Variants in RBFOX1 observed in about 807,000 individuals in gnomAD.
RBFOX1 encodes RNA binding fox-1 homolog 1.
Under a neutral mutation model 57.7 loss-of-function variants are expected in RBFOX1, and 8 were observed. That is an observed-to-expected ratio of 0.14 (90% CI 0.08 to 0.25). RBFOX1 has a LOEUF of 0.25. RBFOX1 is among the 10% of genes least tolerant of loss of function. RBFOX1 has a pLI of 1.00. For missense variants in RBFOX1, 611 were observed against 548.5 expected, an observed-to-expected ratio of 1.11 and a Z score of -1.14; for synonymous variants, 326 against 222.4, an observed-to-expected ratio of 1.47 and a Z score of -4.15.
At chr16:6,010,647 G>T (rs1269901854) in intron 4 of RBFOX1, among the ~76,000 whole-genome samples, 1 of 152,208 alleles carries the variant, frequency 6.6e-6, no homozygotes, top group Non-Finnish European at 1.5e-5. Context: ...TAAAGCAATG[G>T]TGTAGAAGAA....
At chr16:6,666,274 C>T (rs1324233814) in intron 3 of RBFOX1, among the ~76,000 whole-genome samples, 1 of 152,160 alleles carries the variant, frequency 6.6e-6, no homozygotes, top group African/African-American at 2.4e-5. Context: ...TGGCTCATGC[C>T]TATAATCCCA....
At chr16:7,638,535 T>C (rs143593357) in intron 11 of RBFOX1, among the ~76,000 whole-genome samples, 152 of 152,290 alleles carry the variant, frequency 1.0e-3, no homozygotes, top group African/African-American at 3.5e-3. Flanking sequence ...GGCTGTGCTG[T>C]CTCCTCCCCA....
At position 5,569,438 on chromosome 16, in the gene RBFOX1, C is replaced by T. The variant is rs527368469; in HGVS notation, c.259-29464C>T. Among the ~76,000 whole-genome samples the T allele has an allele frequency of 3.7e-3, 181 of 49,176 alleles. 3 individuals are homozygous for T. The highest frequency in any genetic ancestry group is 0.028 in the Middle Eastern group (1 of 36). 32.3% of individuals were successfully genotyped at this position (49,176 alleles called of 152,430 possible). On this transcript the variant is annotated intron_variant, in intron 2 of 2. Transcript: ENST00000585867. ...GTAAGGGTTAATGATAAGAAGTAAC[C>T]TTTTTTTTTTTTTTTTTTTTTTTTT...
intron 1 of RBFOX1, among the ~76,000 whole-genome samples, chr16:5,443,830 G>C (rs1479452368): frequency 6.6e-6 from 1 of 152,132 alleles, no homozygotes; most frequent in Admixed American, 6.5e-5. Flanking sequence ...TAGAAGAATG[G>C]TCACCTATTT....
At chr16:7,615,667 G>T (rs369849532) in intron 10 of RBFOX1, among the ~76,000 whole-genome samples, 3 of 152,038 alleles carry the variant, frequency 2.0e-5, no homozygotes, top group African/African-American at 7.2e-5. Context: ...CTTTCTCTTA[G>T]GGGAATTTGG....
chr16:7,333,124 C>G lies in RBFOX1; in HGVS notation c.28-185023C>G, dbSNP rs538289354. 1,148 of 1,576,722 alleles carry G rather than the reference C, an allele frequency of 7.3e-4. 21 individuals are homozygous for G. The South Asian group carries it at 0.012, about 17-fold the overall frequency. On this transcript the variant is annotated intron_variant, in intron 4 of 15. Transcript: ENST00000550418. ...GCCTCTGCCAGCCAGCAACTTAACT[C>G]CAGAGTGCTCAGAGTAATAATTGGA...
intron 4 of RBFOX1, among the ~76,000 whole-genome samples, chr16:7,057,604 C>A (rs946252807): frequency 2.6e-5 from 4 of 152,176 alleles, no homozygotes; most frequent in Non-Finnish European, 5.9e-5. Context: ...TCACTCTGGG[C>A]CAGTTGGATC....
intron 4 of RBFOX1, among the ~76,000 whole-genome samples, chr16:5,876,675 G>A (rs780209515): frequency 6.6e-6 from 1 of 152,070 alleles, no homozygotes; most frequent in African/African-American, 2.4e-5. Context: ...ATTTCCTACA[G>A]TTTTGACACC....
At chr16:5,912,592 C>G (rs2058626933) in intron 4 of RBFOX1, among the ~76,000 whole-genome samples, 1 of 152,130 alleles carries the variant, frequency 6.6e-6, no homozygotes, top group African/African-American at 2.4e-5. Flanking sequence ...TACACAAGAA[C>G]TTGGTAGGCA....
In RBFOX1 at chr16:6,530,652, C is replaced by G. The variant is rs141551902; in HGVS notation, c.-63-123951C>G. Among the ~76,000 whole-genome samples, 207 of 152,128 alleles carry G rather than the reference C, an allele frequency of 1.4e-3. 1 individual carries two copies. Among genetic ancestry groups the G allele is most frequent in the African/African-American group, 4.7e-3 (196 of 41,480 alleles). The stretch of plus-strand genomic sequence containing the variant: ...CAATTCCACATGGCTGGGGAGGCCT[C>G]ACAATCATGGTGGAAGGAGGAGCAA... On this transcript the variant is annotated intron_variant, in intron 2 of 15. Transcript: ENST00000550418.
At chr16:6,825,387 C>G (rs556026636) in intron 3 of RBFOX1, among the ~76,000 whole-genome samples, 3 of 151,688 alleles carry the variant, frequency 2.0e-5, no homozygotes, top group South Asian at 4.2e-4. Flanking sequence ...TTAAAATTCA[C>G]GAATTAACGG....
At chr16:6,050,352 A>G (rs1476489029) in intron 1 of RBFOX1, among the ~76,000 whole-genome samples, 1 of 152,204 alleles carries the variant, frequency 6.6e-6, no homozygotes, top group Middle Eastern at 3.2e-3. Context: ...CTTGTTGAAG[A>G]AAACAGATTG....
chr16:6,894,906 G>C (rs992617918), intron 3 of RBFOX1, among the ~76,000 whole-genome samples: 1 of 152,078 alleles, frequency 6.6e-6, no homozygotes, highest in Non-Finnish European at 1.5e-5. Flanking sequence ...GGCTTTCTCA[G>C]CTAAAATTAA....
intron 3 of RBFOX1, among the ~76,000 whole-genome samples, chr16:6,784,441 T>C (rs2081572866): frequency 6.6e-6 from 1 of 152,160 alleles, no homozygotes; most frequent in Admixed American, 6.5e-5. Flanking sequence ...ATTCTTCAGC[T>C]CTGCAATTTC....
Position 7,712,797 on chromosome 16 carries a change from C to G in RBFOX1, c.*2052C>G, listed in dbSNP as rs958362378. ...GGGAAGAAAGAGTAGGAGCAGGGGG[C>G]TATGGAGAATAAATTTCTCCCAATT... is the stretch of plus-strand genomic sequence containing the variant. On this transcript the variant is annotated 3_prime_UTR_variant, in exon 16 of 16. Coordinates refer to ENST00000550418, the MANE Select transcript of RBFOX1 (RefSeq NM_018723.4). 6.6e-6 allele frequency: 1 copy of G among 152,080 alleles called. No homozygotes were observed. Among genetic ancestry groups the G allele is most frequent in the Non-Finnish European group, 1.5e-5 (1 of 67,990 alleles). The allele number at this position is 152,080 out of a possible 1,614,324, so 9.4% of individuals were successfully genotyped here. A position where few individuals can be genotyped will look rare whatever the true frequency, so the allele number is the denominator to read the frequency against.
intron 1 of RBFOX1, among the ~76,000 whole-genome samples, chr16:6,058,172 C>G (rs139163652): frequency 6.6e-6 from 1 of 152,106 alleles, no homozygotes; most frequent in African/African-American, 2.4e-5. Context: ...AAGTAACATG[C>G]TTCTTTATCA....
chr16:6,640,837 T>C (rs4303489), intron 2 of RBFOX1, among the ~76,000 whole-genome samples: 128,285 of 151,916 alleles, frequency 0.84, 55,181 homozygotes, highest in Middle Eastern at 0.98. Flanking sequence ...CCCTGTCATG[T>C]TCTAGCCCCA....
chr16:5,370,279 GC>G (rs2065824226), intron 1 of RBFOX1, among the ~76,000 whole-genome samples: 1 of 152,008 alleles, frequency 6.6e-6, no homozygotes, highest in Non-Finnish European at 1.5e-5. Flanking sequence ...TAACAGACAA[GC>G]CCCCAAGCGT....
intron 4 of RBFOX1, among the ~76,000 whole-genome samples, chr16:5,867,927 G>C (rs2057381296): frequency 6.6e-6 from 1 of 152,076 alleles, no homozygotes; most frequent in African/African-American, 2.4e-5. Flanking sequence ...GACCAAGCTG[G>C]TCTCAAACTC....
Sources: allele counts gnomAD v4.1 joint callset (sites outside exome capture counted in the v4.1 genomes callset), GRCh38; gene constraint gnomAD v4.1.1; transcripts MANE v1.5; gene names NCBI Gene and HGNC (gene_info 2026-07-23, HGNC 2026-07-21).